Variants in AP4E1 observed in about 807,000 individuals in gnomAD.
AP4E1 encodes the protein adaptor related protein complex 4 subunit epsilon 1, also known as AP-4 complex subunit epsilon-1.
AP4E1 carries 56 observed loss-of-function variants against 128.2 expected under a neutral mutation model. The ratio of observed to expected loss-of-function variants is 0.44; its 90% CI spans 0.35 to 0.55. The LOEUF is 0.55. AP4E1 is among the 20% of genes least tolerant of loss of function. The pLI is 0.00. For missense variants in AP4E1, 1,324 were observed against 1,307.7 expected, an observed-to-expected ratio of 1.01 and a Z score of -0.19; for synonymous variants, 484 against 473.1, an observed-to-expected ratio of 1.02 and a Z score of -0.30.
chr15:50,952,220 G>C (rs12438343), intron 13 of AP4E1, among the ~76,000 whole-genome samples: 64,822 of 151,820 alleles, frequency 0.43, 14,091 homozygotes, highest in East Asian at 0.59. Context: ...TACCCAAGAG[G>C]TGTAAAGACA....
At chr15:50,934,739 T>A in intron 8 of AP4E1, 42 bp downstream of exon 8, 8 of 1,274,494 alleles carry the variant, frequency 6.3e-6, no homozygotes, top group Non-Finnish European at 9.1e-6. Flanking sequence ...ACTAATAATG[T>A]TTTTTAGTAT....
chr15:50,934,469 A>T (rs1266858972), intron 7 of AP4E1, 155 bp from the exon 8 acceptor site: 12 of 586,952 alleles, frequency 2.0e-5, no homozygotes, highest in Non-Finnish European at 3.4e-5. Context: ...AAAACAGCAA[A>T]CCTTTTAAGA....
At chr15:50,969,936 G>A (rs577466335) in intron 15 of AP4E1, among the ~76,000 whole-genome samples, 5 of 152,262 alleles carry the variant, frequency 3.3e-5, no homozygotes, top group East Asian at 1.9e-4. Context: ...TGGGACTACC[G>A]GCGTGAGCCA....
At chr15:50,961,551 C>T (rs2064314148) in intron 14 of AP4E1, among the ~76,000 whole-genome samples, 1 of 151,712 alleles carries the variant, frequency 6.6e-6, no homozygotes, top group African/African-American at 2.4e-5. Flanking sequence ...TGGTAGAATC[C>T]AACATCCCAT....
At chr15:50,993,899 A>T (rs1455652591) in intron 17 of AP4E1, among the ~76,000 whole-genome samples, 1 of 152,200 alleles carries the variant, frequency 6.6e-6, no homozygotes, top group Admixed American at 6.5e-5. Flanking sequence ...TACAGGTATG[A>T]CCACAGCCAC....
intron 5 of AP4E1, 141 bp downstream of exon 5, chr15:50,925,360 A>G (rs1186972541): frequency 1.1e-6 from 1 of 899,686 alleles, no homozygotes; most frequent in Non-Finnish European, 1.7e-6. Context: ...CTTCAATAGG[A>G]TCATCTTTAT....
intron 14 of AP4E1, among the ~76,000 whole-genome samples, chr15:50,962,889 CAAAAAAAAAAAAAAA>C (rs71127168): frequency 2.6e-5 from 1 of 38,718 alleles, no homozygotes; most frequent in Non-Finnish European, 4.4e-5. Flanking sequence ...AATTCAACAG[CAAAAAAAAAAAAAAA>C]AAAAAAAAAA....
intron 13 of AP4E1, among the ~76,000 whole-genome samples, chr15:50,955,077 T>C (rs2064199594): frequency 6.6e-6 from 1 of 152,246 alleles, no homozygotes; most frequent in Admixed American, 6.5e-5. Context: ...CACATTTTCT[T>C]AATCCAGTCT....
intron 10 of AP4E1, 64 bp downstream of exon 10, chr15:50,941,839 G>A: frequency 1.6e-6 from 2 of 1,243,896 alleles, no homozygotes; most frequent in South Asian, 1.3e-5. Context: ...TGTTGGCATT[G>A]TGTAGAGAGA....
chr15:50,994,729 G>A (rs931743834), intron 17 of AP4E1, among the ~76,000 whole-genome samples: 3 of 152,120 alleles, frequency 2.0e-5, no homozygotes, highest in African/African-American at 7.2e-5. Context: ...ATTACACCCA[G>A]GCTCATGGAG....
At chr15:50,983,584 G>A (rs1035298984) in intron 15 of AP4E1, among the ~76,000 whole-genome samples, 1 of 152,160 alleles carries the variant, frequency 6.6e-6, no homozygotes, top group African/African-American at 2.4e-5. Flanking sequence ...ACCTTAGGGA[G>A]ATTTTACGTT....
At chr15:50,916,221 C>T (rs762894287) in intron 3 of AP4E1, among the ~76,000 whole-genome samples, 2 of 152,040 alleles carry the variant, frequency 1.3e-5, no homozygotes, top group East Asian at 3.9e-4. Flanking sequence ...TGAACCACTG[C>T]GCCTGGTCAA....
At chr15:50,955,057 G>T (rs1230691666) in intron 13 of AP4E1, among the ~76,000 whole-genome samples, 1 of 152,204 alleles carries the variant, frequency 6.6e-6, no homozygotes, top group Admixed American at 6.5e-5. Context: ...ATTCCATGGT[G>T]TATATGTGCC....
intron 19 of AP4E1, among the ~76,000 whole-genome samples, chr15:51,000,418 G>C (rs1478812402): frequency 6.6e-6 from 1 of 152,112 alleles, no homozygotes; most frequent in Non-Finnish European, 1.5e-5. Flanking sequence ...TGGGATTAGG[G>C]ACGAGGGCTA....
intron 15 of AP4E1, among the ~76,000 whole-genome samples, chr15:50,979,506 A>G (rs1042547831): frequency 7.9e-5 from 12 of 152,128 alleles, no homozygotes; most frequent in African/African-American, 2.9e-4. Flanking sequence ...CTTGAGAACA[A>G]TGAGCCAAAT....
chr15:50,999,997 A>G (rs1361731490), intron 19 of AP4E1, among the ~76,000 whole-genome samples: 3 of 152,086 alleles, frequency 2.0e-5, no homozygotes, highest in Non-Finnish European at 2.9e-5. Context: ...TTTGTTTTAT[A>G]AATGTATTGT....
rs753931471 is a variant in AP4E1 at position 50,958,776 on chromosome 15, G to A, written c.1833G>A (p.Arg611=). 4 of 1,614,120 alleles carry A rather than the reference G, an allele frequency of 2.5e-6. No individual in the cohort carries two copies. The Middle Eastern group carries it at 5.0e-4, about 200-fold the overall frequency. ...ELMKSLLPVD[R]SCEDLVVDAS... is the part of the protein sequence containing the mutation. ...TGAAGAGCTTGCTTCCAGTTGACAG[G>A]AGTTGTGAAGACTTGGTGGTAAGAC... Residue 611 remains arginine, a synonymous_variant, in exon 14 of 21, where the codon AGG becomes AGA. Transcript: ENST00000261842.
At chr15:50,952,509 CAAA>C (rs1359239142) in intron 13 of AP4E1, among the ~76,000 whole-genome samples, 6 of 79,446 alleles carry the variant, frequency 7.6e-5, no homozygotes, top group Non-Finnish European at 2.6e-5. Flanking sequence ...GACTCCATCT[CAAA>C]AAAAAAAAAA....
At chr15:50,936,560 ACT>A (rs1205291953) in intron 8 of AP4E1, among the ~76,000 whole-genome samples, 1 of 152,018 alleles carries the variant, frequency 6.6e-6, no homozygotes, top group Non-Finnish European at 1.5e-5. Context: ...GGGGATAACC[ACT>A]GTTACCCGTT....
Sources: allele counts gnomAD v4.1 joint callset (sites outside exome capture counted in the v4.1 genomes callset), GRCh38; gene constraint gnomAD v4.1.1; transcripts MANE v1.5; gene names NCBI Gene and HGNC (gene_info 2026-07-23, HGNC 2026-07-21).